PTMA: variants seen among roughly 807,000 people sequenced by gnomAD.
The protein encoded by PTMA is prothymosin alpha, also known as gene sequence 28.
PTMA carries 4 observed loss-of-function variants against 16.9 expected under a neutral mutation model. That is an observed-to-expected ratio of 0.24 (90% CI 0.12 to 0.54). The LOEUF (loss-of-function observed/expected upper bound fraction) is 0.54, where lower values mean the gene tolerates loss of function less well. PTMA is among the 20% of genes least tolerant of loss of function. The probability of loss-of-function intolerance (pLI) is 0.95; values close to 1 mark genes in which losing one functional copy is unlikely to be tolerated. For missense variants in PTMA, 120 were observed against 137.7 expected (o/e 0.87, Z 0.64); for synonymous variants, 58 against 47.9 (o/e 1.21, Z -0.87).
chr2:231,709,134 A>G (rs2106241061), intron 1 of PTMA, among the ~76,000 whole-genome samples: 2 of 152,188 alleles, frequency 1.3e-5, no homozygotes, highest in East Asian at 1.9e-4. Context: ...CGCGTTGGGA[A>G]TCGGAAGTGC....
Position 231,711,996 on chromosome 2 carries a change from G to A in PTMA, c.211+13G>A, listed in dbSNP as rs2048524332. 2 of 1,558,182 alleles carry A rather than the reference G, an allele frequency of 1.3e-6. No individual in the cohort carries two copies. The highest frequency in any genetic ancestry group is 3.9e-5 in the Admixed American group (2 of 51,402). ...GAAGAAGGTGATGGTGAGTAGCCTT[G>A]TCTATCTTCCCCTTTTCAGGTACTT... On this transcript the variant is annotated intron_variant, in intron 3 of 4. Transcript: ENST00000409115.
intron 1 of PTMA, among the ~76,000 whole-genome samples, chr2:231,709,063 G>A (rs1046336752): frequency 6.6e-6 from 1 of 152,178 alleles, no homozygotes; most frequent in Non-Finnish European, 1.5e-5. Context: ...GGCGGGAGGA[G>A]AAGAGCCTGG....
intron 1 of PTMA, chr2:231,710,778 A>C (rs1478633497): frequency 3.0e-6 from 1 of 328,560 alleles, no homozygotes; most frequent in Non-Finnish European, 6.2e-6. Context: ...TGCGGCCTCT[A>C]GGAACAGCGG....
In PTMA at chr2:231,712,433, T is replaced by G; in HGVS notation, c.212-10T>G. 6.2e-7 allele frequency: 1 copy of G among 1,613,348 alleles called. No homozygotes were observed. Among genetic ancestry groups the G allele is most frequent in the Non-Finnish European group, 8.5e-7 (1 of 1,179,400 alleles). ...GAAGTGTGGTTTACCTGGCCTTTGA[T>G]TCTCTCCAGGTGAGGAAGAGGATGG... On this transcript the variant is annotated splice_polypyrimidine_tract_variant and intron_variant, in intron 3 of 4. Transcript: ENST00000409115.
In PTMA at chr2:231,712,488, C is replaced by T. The variant is rs1233912696; in HGVS notation, c.257C>T (p.Thr86Met). Reference sequence around the variant, plus strand: ...GAAGATGAGGAAGCTGAGTCAGCTACGGGCAAGCGGGCAGCTGAAGATGAT... The same window carrying T: ...GAAGATGAGGAAGCTGAGTCAGCTATGGGCAAGCGGGCAGCTGAAGATGAT... ...GDEDEEAESA[T>M]GKRAAEDDED... Residue 86 changes from threonine to methionine, a missense_variant, in exon 4 of 5, where the codon ACG (threonine) becomes ATG (methionine). By Grantham distance (81) the Thr-to-Met change is moderately conservative (BLOSUM62 -1). Coordinates refer to ENST00000409115, the MANE Select transcript of PTMA (RefSeq NM_002823.5). 1.1e-5 allele frequency: 17 copies of T among 1,613,988 alleles called. No homozygotes were observed. The highest frequency in any genetic ancestry group is 1.7e-5 in the Admixed American group (1 of 59,992).
intron 1 of PTMA, among the ~76,000 whole-genome samples, chr2:231,709,125 G>A (rs1030635659): frequency 1.3e-5 from 2 of 152,178 alleles, no homozygotes; most frequent in Non-Finnish European, 2.9e-5. Flanking sequence ...AAACTCAAGC[G>A]CGTTGGGAAT....
chr2:231,710,848 TGCGGCCTCGCGGGCCTTCCAGGCTG>T (rs2048509266), intron 1 of PTMA, among the ~76,000 whole-genome samples: 1 of 152,140 alleles, frequency 6.6e-6, no homozygotes, highest in South Asian at 2.1e-4. Flanking sequence ...GCCGGGGCGG[TGCGGCCTCGCGGGCCTTCCAGGCTG>T]GCGCGCCTGT....
intron 1 of PTMA, chr2:231,710,818 T>A (rs1214153587): frequency 3.3e-6 from 1 of 307,160 alleles, no homozygotes; most frequent in Non-Finnish European, 6.6e-6. Flanking sequence ...GTGCTTTGGC[T>A]TTTTTAGATA....
intron 1 of PTMA, chr2:231,710,162 G>C (rs2106242652): frequency 7.8e-7 from 1 of 1,276,808 alleles, no homozygotes; most frequent in South Asian, 2.9e-5. Flanking sequence ...GACCTCCCGT[G>C]GGACTTGGCC....
chr2:231,709,178 G>GGGAAGTGGCGGCGAGCGCCCGCC (rs2048482829), intron 1 of PTMA, among the ~76,000 whole-genome samples: 2 of 152,166 alleles, frequency 1.3e-5, no homozygotes, highest in Non-Finnish European at 2.9e-5. Context: ...GGCCGGCCGC[G>GGGAAGTGGCGGCGAGCGCCCGCC]GGAAGTGGCG....
chr2:231,709,048 G>A (rs892367111), intron 1 of PTMA, among the ~76,000 whole-genome samples: 11 of 152,194 alleles, frequency 7.2e-5, no homozygotes, highest in African/African-American at 2.4e-4. Flanking sequence ...GCCGGTATGA[G>A]TGGCGGCGGG....
At chr2:231,711,046 G>T (rs2048512009) in intron 1 of PTMA, 3 of 314,480 alleles carry the variant, frequency 9.5e-6, no homozygotes, top group Non-Finnish European at 6.0e-6. Context: ...ACGGGCTGGG[G>T]GCTGTGGCGC....
chr2:231,711,454 T>TAA, intron 2 of PTMA, 35 bp downstream of exon 2: 1 of 1,601,416 alleles, frequency 6.2e-7, no homozygotes, highest in Non-Finnish European at 8.6e-7. Flanking sequence ...CCCTGGCAGC[T>TAA]ACCGCCCCAC....
rs1261969734 is a variant in PTMA at position 231,711,405 on chromosome 2, G to A, written c.103G>A (p.Ala35Thr). 1 of 1,614,150 alleles carries A rather than the reference G, an allele frequency of 6.2e-7. No homozygotes were observed. Among genetic ancestry groups the A allele is most frequent in the South Asian group, 1.1e-5 (1 of 91,086 alleles). ...EEAENGRDAPANGNANEENGE... is the reference protein window; with the variant it reads ...EEAENGRDAPTNGNANEENGE... Reference sequence around the variant, plus strand: ...GGCAGAAAATGGAAGAGACGCCCCTGCTAACGGGAATGCTGTGAGTGTCTG... The same window carrying A: ...GGCAGAAAATGGAAGAGACGCCCCTACTAACGGGAATGCTGTGAGTGTCTG... Residue 35 changes from alanine to threonine, a missense_variant, in exon 2 of 5, where the codon GCT becomes ACT. Coordinates refer to ENST00000409115, the MANE Select transcript of PTMA (RefSeq NM_002823.5).
Position 231,712,435 on chromosome 2 carries a change from C to G in PTMA, c.212-8C>G, listed in dbSNP as rs774156286. 7 of 1,613,372 alleles carry G rather than the reference C, an allele frequency of 4.3e-6. No homozygotes were observed. In the Admixed American group the frequency reaches 1.2e-4, roughly 27 times the overall value. On this transcript the variant is annotated splice_polypyrimidine_tract_variant and splice_region_variant and intron_variant, in intron 3 of 4. Coordinates refer to ENST00000409115, the MANE Select transcript of PTMA (RefSeq NM_002823.5). ...AGTGTGGTTTACCTGGCCTTTGATTCTCTCCAGGTGAGGAAGAGGATGGAG... is the reference window on the plus strand; with the variant it reads ...AGTGTGGTTTACCTGGCCTTTGATTGTCTCCAGGTGAGGAAGAGGATGGAG...
At chr2:231,709,333 C>T (rs1192056678) in intron 1 of PTMA, among the ~76,000 whole-genome samples, 2 of 152,010 alleles carry the variant, frequency 1.3e-5, no homozygotes, top group South Asian at 2.1e-4. Flanking sequence ...CGTCGGCCGT[C>T]CCGGCGGAGG....
Position 231,708,883 on chromosome 2 carries a change from G to T in PTMA, c.45+132G>T, listed in dbSNP as rs2048475445. Reference sequence around the variant, plus strand: ...CGGGGAAACGGCCCGCCCCCGGCGCGGTGCCCTCAGGCAGCCCACTCTTTG... The same window carrying T: ...CGGGGAAACGGCCCGCCCCCGGCGCTGTGCCCTCAGGCAGCCCACTCTTTG... On this transcript the variant is annotated intron_variant, in intron 1 of 4. Coordinates refer to ENST00000409115, the MANE Select transcript of PTMA (RefSeq NM_002823.5). 1.6e-5 allele frequency: 18 copies of T among 1,115,728 alleles called. No homozygotes were observed. In the South Asian group the frequency reaches 2.7e-4, roughly 17 times the overall value. 69.1% of individuals were successfully genotyped at this position (1,115,728 alleles called of 1,614,324 possible).
chr2:231,712,130 G>T, intron 3 of PTMA, 147 bp downstream of exon 3: 1 of 1,417,360 alleles, frequency 7.1e-7, no homozygotes, highest in African/African-American at 1.5e-5. Context: ...CCCACCTGTA[G>T]AGTCAGGGAA....
rs562036598 is a variant in PTMA, at chr2:231,708,593, G to A, written c.-114G>A. 8 of 1,340,354 alleles carry A rather than the reference G, an allele frequency of 6.0e-6. No homozygotes were observed. The Admixed American group carries it at 7.0e-5, about 12-fold the overall frequency. 83.0% of individuals were successfully genotyped at this position (1,340,354 alleles called of 1,614,324 possible). A position where few individuals can be genotyped will look rare whatever the true frequency, so the allele number is the denominator to read the frequency against. On this transcript the variant is annotated 5_prime_UTR_variant, in exon 1 of 5. Coordinates refer to ENST00000409115, the MANE Select transcript of PTMA (RefSeq NM_002823.5). ...ATCCGCCTCCTTGCTCGCCGCAGCC[G>A]CCTCCGCCGCGCGCCTCCTCCGCCG...
Sources: gnomAD v4.1 joint callset for allele counts (sites outside exome capture counted in the v4.1 genomes callset) on GRCh38, gnomAD v4.1.1 for gene constraint, MANE v1.5 for transcripts, NCBI Gene and HGNC (gene_info 2026-07-23, HGNC 2026-07-21) for gene names.